Variants in SLC16A7 observed in about 807,000 individuals in gnomAD.
SLC16A7 encodes the protein monocarboxylate transporter 2.
A neutral mutation model predicts 34.9 loss-of-function variants in SLC16A7; 33 were observed. The observed-to-expected ratio is 0.94, with a 90% confidence interval of 0.72 to 1.26. The LOEUF is 1.26. SLC16A7 is among the 50% of genes most tolerant of loss of function. SLC16A7 has a pLI of 0.00. For missense variants in SLC16A7, 573 were observed against 578.1 expected (o/e 0.99, Z 0.09); for synonymous variants, 201 against 206.6 (o/e 0.97, Z 0.23).
chr12:59,659,056 A>C lies in SLC16A7; in HGVS notation c.-31+3806A>C, dbSNP rs1868689099. On this transcript the variant is annotated intron_variant, in intron 2 of 5. Coordinates refer to ENST00000547379, the MANE Select transcript of SLC16A7 (RefSeq NM_001270623.2). ...GTGACAGCAGATGCCTAGAGTAGGT[A>C]GTTTTATTATTTTGCCTCGTACCTT... 1.3e-5 allele frequency among the ~76,000 whole-genome samples: 2 copies of C among 152,064 alleles called. 1 individual carries two copies. The highest frequency in any genetic ancestry group is 4.1e-4 in the South Asian group (2 of 4,836).
At chr12:59,694,271 A>AAGGATTTC (rs1872012307) in intron 2 of SLC16A7, among the ~76,000 whole-genome samples, 1 of 151,962 alleles carries the variant, frequency 6.6e-6, no homozygotes, top group South Asian at 2.1e-4. Flanking sequence ...AAGCCTTCTC[A>AAGGATTTC]CTGGCTTAAG....
intron 1 of SLC16A7, among the ~76,000 whole-genome samples, chr12:59,601,525 G>A (rs1034156945): frequency 6.6e-6 from 1 of 152,158 alleles, no homozygotes; most frequent in Non-Finnish European, 1.5e-5. Context: ...TTCAACAGGT[G>A]GGATTATTGG....
intron 3 of SLC16A7, among the ~76,000 whole-genome samples, chr12:59,712,547 C>T (rs1490813645): frequency 6.6e-6 from 1 of 152,174 alleles, no homozygotes; most frequent in African/African-American, 2.4e-5. Context: ...CACTTAAGGG[C>T]ACAGGCATGT....
chr12:59,685,374 G>T (rs923958393), intron 2 of SLC16A7, among the ~76,000 whole-genome samples: 4 of 152,162 alleles, frequency 2.6e-5, no homozygotes, highest in African/African-American at 9.6e-5. Flanking sequence ...CGATGGAAAT[G>T]ATCTATTTCA....
At chr12:59,620,726 A>G (rs1203133973) in intron 1 of SLC16A7, among the ~76,000 whole-genome samples, 2 of 151,896 alleles carry the variant, frequency 1.3e-5, no homozygotes, top group Non-Finnish European at 2.9e-5. Context: ...AGCATTTGTG[A>G]GGAAGAGAAA....
At chr12:59,636,680 A>C (rs1182535305) in intron 1 of SLC16A7, among the ~76,000 whole-genome samples, 1 of 152,112 alleles carries the variant, frequency 6.6e-6, no homozygotes, top group Non-Finnish European at 1.5e-5. Flanking sequence ...TTGCAGAATT[A>C]TAAGGGTGGT....
intron 5 of SLC16A7, 55 bp from the exon 6 acceptor site, chr12:59,779,368 A>T (rs1883059568): frequency 7.7e-7 from 1 of 1,301,144 alleles, no homozygotes; most frequent in Admixed American, 2.5e-5. Flanking sequence ...TTGAATTTTT[A>T]TCATTATATG....
chr12:59,632,343 T>C (rs1179356681), intron 1 of SLC16A7, among the ~76,000 whole-genome samples: 1 of 152,010 alleles, frequency 6.6e-6, no homozygotes, highest in East Asian at 1.9e-4. Flanking sequence ...TGATTTTCTT[T>C]AGATTTTTAA....
Position 59,706,150 on chromosome 12 carries a change from T to G in SLC16A7, c.217+1132T>G, listed in dbSNP as rs114442312. Among the ~76,000 whole-genome samples, 274 of 152,276 alleles carry G rather than the reference T, an allele frequency of 1.8e-3. 2 individuals are homozygous for G. Among genetic ancestry groups the G allele is most frequent in the African/African-American group, 6.4e-3 (268 of 41,566 alleles). On this transcript the variant is annotated intron_variant, in intron 3 of 5. Transcript: ENST00000547379. ...GCATTTAACACCTGTGGTCTCTGAC[T>G]TTCTCATAACTTTCTCTTTACATCT...
chr12:59,605,887 G>C (rs1030200154), intron 1 of SLC16A7, among the ~76,000 whole-genome samples: 4 of 152,130 alleles, frequency 2.6e-5, no homozygotes, highest in African/African-American at 4.8e-5. Context: ...CTTCTAAGCT[G>C]TTTGACCACA....
chr12:59,706,806 A>G (rs1215393651), intron 3 of SLC16A7, among the ~76,000 whole-genome samples: 1 of 152,132 alleles, frequency 6.6e-6, no homozygotes, highest in Non-Finnish European at 1.5e-5. Context: ...AGTCTCTTCT[A>G]GTGAATTAAT....
At chr12:59,660,740 A>AT (rs1010640023) in intron 2 of SLC16A7, among the ~76,000 whole-genome samples, 56 of 152,046 alleles carry the variant, frequency 3.7e-4, no homozygotes, top group African/African-American at 1.1e-3. Context: ...ATAAACTATG[A>AT]TAAAAATCCT....
At chr12:59,762,128 C>G (rs953273273) in intron 3 of SLC16A7, among the ~76,000 whole-genome samples, 1 of 152,044 alleles carries the variant, frequency 6.6e-6, no homozygotes, top group South Asian at 2.1e-4. Context: ...GGGTCTTTGT[C>G]ATTCTACTGT....
At chr12:59,774,578 T>C in intron 4 of SLC16A7, 79 bp from the exon 5 acceptor site, 3 of 823,854 alleles carry the variant, frequency 3.6e-6, no homozygotes, top group Non-Finnish European at 3.9e-6. Context: ...CACTTGAATG[T>C]ACATTTTGAG....
At chr12:59,667,060 A>G (rs1002380518) in intron 2 of SLC16A7, among the ~76,000 whole-genome samples, 1 of 152,210 alleles carries the variant, frequency 6.6e-6, no homozygotes, top group African/African-American at 2.4e-5. Context: ...TGGAGGCAAG[A>G]GAAGATGAGA....
At chr12:59,740,505 C>T (rs1878185829) in intron 3 of SLC16A7, among the ~76,000 whole-genome samples, 1 of 152,040 alleles carries the variant, frequency 6.6e-6, no homozygotes, top group South Asian at 2.1e-4. Flanking sequence ...TGACAAAATT[C>T]AACAATGCTT....
chr12:59,681,332 G>T (rs558409523), intron 2 of SLC16A7, among the ~76,000 whole-genome samples: 12 of 152,180 alleles, frequency 7.9e-5, no homozygotes, highest in African/African-American at 2.6e-4. Flanking sequence ...TCTGTCTTTA[G>T]CCACATTGCA....
rs191999867 is a variant in SLC16A7, at chr12:59,764,490, C to T, written c.218-6729C>T. 5.0e-3 allele frequency among the ~76,000 whole-genome samples: 660 copies of T among 131,850 alleles called. 3 individuals are homozygous for T. The highest frequency in any genetic ancestry group is 0.023 in the South Asian group (76 of 3,368). The allele number at this position is 131,850 out of a possible 152,430, so 86.5% of individuals were successfully genotyped here. On this transcript the variant is annotated intron_variant, in intron 3 of 5. Coordinates refer to ENST00000547379, the MANE Select transcript of SLC16A7 (RefSeq NM_001270623.2). The stretch of plus-strand genomic sequence containing the variant: ...AATGCTATCCCTCCCCCCTCCCCCT[C>T]CACCACAACAGTCCCCGGTGTGTGA...
At chr12:59,683,890 C>G (rs572522299) in intron 2 of SLC16A7, among the ~76,000 whole-genome samples, 1 of 152,240 alleles carries the variant, frequency 6.6e-6, no homozygotes, top group Non-Finnish European at 1.5e-5. Context: ...TGCAAAATCT[C>G]AAGTACAAGG....
Sources: gnomAD v4.1 joint callset for allele counts (sites outside exome capture counted in the v4.1 genomes callset) on GRCh38, gnomAD v4.1.1 for gene constraint, MANE v1.5 for transcripts, NCBI Gene and HGNC (gene_info 2026-07-23, HGNC 2026-07-21) for gene names.